Variants in KY observed in about 807,000 individuals in gnomAD.
KY encodes kyphoscoliosis peptidase.
A neutral mutation model predicts 76.1 loss-of-function variants in KY; 43 were observed. The ratio of observed to expected loss-of-function variants is 0.57; its 90% CI spans 0.44 to 0.73. KY has a LOEUF of 0.73. KY is among the 30% of genes least tolerant of loss of function. The pLI is 0.00. For synonymous variants in KY, 277 were observed against 326.2 expected, an observed-to-expected ratio of 0.85 and a Z score of 1.63; for missense variants, 722 against 828.9, an observed-to-expected ratio of 0.87 and a Z score of 1.58.
chr3:134,606,414 T>G (rs55835132), intron 10 of KY, among the ~76,000 whole-genome samples: 95,640 of 151,848 alleles, frequency 0.63, 30,626 homozygotes, highest in East Asian at 0.87. Context: ...ATGCCTCAGG[T>G]TCCTCCTACC....
In KY at chr3:134,600,823, C is replaced by T. The variant is rs1958932028; in HGVS notation, c.*2756G>A. ...TGTCTTTTCAACACACCAGGTTGTC[C>T]CCCAGGATGCCCTCACAGCTTGTGC... On this transcript the variant is annotated 3_prime_UTR_variant, in exon 11 of 11. Coordinates refer to ENST00000423778, the MANE Select transcript of KY (RefSeq NM_178554.6). 1 of 152,228 alleles carries T rather than the reference C, an allele frequency of 6.6e-6. No individual in the cohort carries two copies. Among genetic ancestry groups the T allele is most frequent in the South Asian group, 2.1e-4 (1 of 4,830 alleles). 9.4% of individuals were successfully genotyped at this position (152,228 alleles called of 1,614,324 possible).
At chr3:134,624,673 CG>C (rs776162836) in intron 6 of KY, among the ~76,000 whole-genome samples, 142 of 152,312 alleles carry the variant, frequency 9.3e-4, no homozygotes, top group Admixed American at 1.9e-3. Context: ...TCTGCATCCA[CG>C]GTCCTCCCAT....
chr3:134,608,676 G>C lies in KY; in HGVS notation c.1063C>G (p.His355Asp). The C allele has an allele frequency of 7.4e-6, 12 of 1,614,044 alleles. No homozygotes were observed. Among genetic ancestry groups the C allele is most frequent in the Non-Finnish European group, 9.3e-6 (11 of 1,179,900 alleles). ...EFYNKGMLSAHPETSMIRTVN... is the reference protein window; with the variant it reads ...EFYNKGMLSADPETSMIRTVN... ...GTTCTGATCATGGAAGTCTCTGGGT[G>C]GGCACTCAGCATCCCTTTGTTGTAG... Residue 355 changes from histidine to aspartate, a missense_variant, in exon 10 of 11, where the codon CAC becomes GAC. Transcript: ENST00000423778.
chr3:134,606,845 G>T (rs937548748), intron 10 of KY, among the ~76,000 whole-genome samples: 2 of 150,896 alleles, frequency 1.3e-5, no homozygotes, highest in Admixed American at 1.3e-4. Flanking sequence ...CCCCTCCACG[G>T]CACTCTCCTA....
rs538662766 is a variant in KY at position 134,648,179 on chromosome 3, C to T, written c.137-682G>A. On this transcript the variant is annotated intron_variant, in intron 1 of 10. Coordinates refer to ENST00000423778, the MANE Select transcript of KY (RefSeq NM_178554.6). ...CTGCAATAAAATTGAGATCCTGGCG[C>T]GGAAGGAGTATTCAGTGCTCCTTGG... Among the ~76,000 whole-genome samples the T allele has an allele frequency of 3.3e-5, 5 of 152,272 alleles. 1 individual carries two copies. Among genetic ancestry groups the T allele is most frequent in the African/African-American group, 1.2e-4 (5 of 41,552 alleles).
chr3:134,610,254 C>T lies in KY; in HGVS notation c.840G>A (p.Leu280=). The change falls in exon 9 of 11, where the codon CTG becomes CTA. Residue 280 remains leucine (L), a synonymous_variant. Transcript: ENST00000423778. ...NAVYLEGRWH[L]VDSTWGSGLV... ...GGCCGCTGCCCCAGGTGCTGTCCAC[C>T]AGGTGCCATCTTCCCTCCAGGTACA... 6.2e-7 allele frequency: 1 copy of T among 1,613,976 alleles called. No homozygotes were observed. The highest frequency in any genetic ancestry group is 8.5e-7 in the Non-Finnish European group (1 of 1,179,896).
chr3:134,609,950 G>T (rs886885017), intron 9 of KY, among the ~76,000 whole-genome samples: 2 of 152,194 alleles, frequency 1.3e-5, no homozygotes, highest in Non-Finnish European at 2.9e-5. Flanking sequence ...TCAGTGCTTT[G>T]GTGGAGGGAG....
chr3:134,603,481 A>T lies in KY; in HGVS notation c.*98T>A, dbSNP rs1317660585. On this transcript the variant is annotated 3_prime_UTR_variant, in exon 11 of 11. Transcript: ENST00000423778. ...CAGAGGCCTAGAAGGGATTTCATGCAGACTCAGTGGTGTCCAGGGCTCCCT... is the reference window on the plus strand; with the variant it reads ...CAGAGGCCTAGAAGGGATTTCATGCTGACTCAGTGGTGTCCAGGGCTCCCT... 40 of 1,072,752 alleles carry T rather than the reference A, an allele frequency of 3.7e-5. No individual in the cohort carries two copies. The highest frequency in any genetic ancestry group is 5.0e-5 in the Non-Finnish European group (37 of 743,288). 66.5% of individuals were successfully genotyped at this position (1,072,752 alleles called of 1,614,324 possible). A position where few individuals can be genotyped will look rare whatever the true frequency, so the allele number is the denominator to read the frequency against.
At chr3:134,626,231 C>T (rs1469317316) in intron 5 of KY, among the ~76,000 whole-genome samples, 1 of 152,200 alleles carries the variant, frequency 6.6e-6, no homozygotes, top group African/African-American at 2.4e-5. Flanking sequence ...ATGTCGGGAG[C>T]CTCTGGGTGC....
chr3:134,625,021 G>T (rs774085410), intron 6 of KY, 32 bp downstream of exon 6: 2 of 1,558,316 alleles, frequency 1.3e-6, no homozygotes, highest in Admixed American at 3.8e-5. Flanking sequence ...CACCTTGAAG[G>T]GGCCCATGGT....
rs767396624 is a variant in KY, at chr3:134,610,374, T to G, written c.720A>C (p.Gly240=). The change falls in exon 9 of 11, where the codon GGA becomes GGC. Residue 240 remains glycine, a synonymous_variant. Coordinates refer to ENST00000423778, the MANE Select transcript of KY (RefSeq NM_178554.6). ...GLFERMCRLA[G]VQCMTVPGYS... ...AGCCAGGCACGGTCATACACTGCAC[T>G]CCGGCGAGCCTGGGGGCAGGACAGG... 1 of 1,611,144 alleles carries G rather than the reference T, an allele frequency of 6.2e-7. No homozygotes were observed. Among genetic ancestry groups the G allele is most frequent in the Non-Finnish European group, 8.5e-7 (1 of 1,178,740 alleles).
At position 134,608,747 on chromosome 3, in the gene KY, T is replaced by G; in HGVS notation, c.992A>C (p.Gln331Pro). 6.2e-7 allele frequency: 1 copy of G among 1,614,052 alleles called. No homozygotes were observed. ...NKNWQLLKPP[Q>P]SLRQFENNMY... ...GTTGTTCTCAAACTGCCTCAGAGAT[T>G]GAGGAGGTTTTAGCAGCTGCCAGTT... The change falls in exon 10 of 11, where the codon CAA (glutamine) becomes CCA (proline). Residue 331 changes from glutamine to proline, a missense_variant. Around this residue, in one of 2 missense-constraint regions of KY, gnomAD observed 552 missense variants for 680.9 expected, o/e 0.81. Coordinates refer to ENST00000423778, the MANE Select transcript of KY (RefSeq NM_178554.6).
intron 8 of KY, among the ~76,000 whole-genome samples, chr3:134,618,553 G>A (rs1006559030): frequency 1.6e-5 from 2 of 124,618 alleles, no homozygotes; most frequent in African/African-American, 6.4e-5. Context: ...CACATCTTGA[G>A]CCTGTTTTGA....
At chr3:134,618,881 C>A (rs577003591) in intron 8 of KY, among the ~76,000 whole-genome samples, 3 of 152,146 alleles carry the variant, frequency 2.0e-5, no homozygotes, top group Non-Finnish European at 4.4e-5. Context: ...TGGGAGAAGG[C>A]GGAAAAAGGG....
chr3:134,621,703 A>G (rs1018749121), intron 6 of KY, among the ~76,000 whole-genome samples: 1 of 152,258 alleles, frequency 6.6e-6, no homozygotes, highest in East Asian at 1.9e-4. Context: ...AACAAAGGAA[A>G]AAACAGATAA....
intron 6 of KY, among the ~76,000 whole-genome samples, chr3:134,624,686 C>A (rs913707790): frequency 4.6e-5 from 7 of 152,226 alleles, no homozygotes; most frequent in African/African-American, 1.4e-4. Flanking sequence ...TCCTCCCATC[C>A]TCTCCTCCCT....
intron 2 of KY, among the ~76,000 whole-genome samples, chr3:134,646,371 A>G (rs1322218385): frequency 6.6e-6 from 1 of 152,098 alleles, no homozygotes; most frequent in Admixed American, 6.5e-5. Flanking sequence ...TACCAAAGGC[A>G]GGGGACACAG....
At chr3:134,609,438 C>T (rs1268621185) in intron 9 of KY, among the ~76,000 whole-genome samples, 1 of 152,034 alleles carries the variant, frequency 6.6e-6, no homozygotes, top group African/African-American at 2.4e-5. Flanking sequence ...GCGAGCCCTG[C>T]GTGTAGGATG....
chr3:134,627,571 C>T (rs967116291), intron 5 of KY, among the ~76,000 whole-genome samples, 185 bp downstream of exon 5: 2 of 152,130 alleles, frequency 1.3e-5, no homozygotes, highest in Admixed American at 6.5e-5. Flanking sequence ...GAGCTTTTTC[C>T]TTCTCCACCT....
Sources: allele counts gnomAD v4.1 joint callset (sites outside exome capture counted in the v4.1 genomes callset), GRCh38; gene constraint gnomAD v4.1.1; regional missense constraint gnomAD v4.1.1; transcripts MANE v1.5; gene names NCBI Gene and HGNC (gene_info 2026-07-23, HGNC 2026-07-21).